MCU: variants seen among roughly 807,000 people sequenced by gnomAD.
The protein encoded by MCU is calcium uniporter protein, mitochondrial.
In MCU, 12 loss-of-function variants were observed where a neutral mutation model predicts 45.2. That is an observed-to-expected ratio of 0.27 (90% CI 0.17 to 0.43). The LOEUF (loss-of-function observed/expected upper bound fraction) is 0.43. Ranked by LOEUF, MCU falls within the 20% of genes least tolerant of loss-of-function variation. MCU has a pLI of 1.00. For missense variants in MCU, 324 were observed against 436.7 expected (o/e 0.74, Z 2.30); for synonymous variants, 160 against 165.1 (o/e 0.97, Z 0.24).
chr10:72,887,654 A>G lies in MCU; in HGVS notation c.*1832A>G, dbSNP rs565716267. 6 of 152,880 alleles carry G rather than the reference A, an allele frequency of 3.9e-5. No individual in the cohort carries two copies. The highest frequency in any genetic ancestry group is 4.2e-4 in the South Asian group (2 of 4,816). The allele number at this position is 152,880 out of a possible 1,614,324, so 9.5% of individuals were successfully genotyped here. On this transcript the variant is annotated 3_prime_UTR_variant, in exon 8 of 8. Coordinates refer to ENST00000373053, the MANE Select transcript of MCU (RefSeq NM_138357.3). ...ATTTATGAAATATGTATAAAAAGCA[A>G]TGTACCTTCTGGAACAATAAATACT...
intron 1 of MCU, among the ~76,000 whole-genome samples, chr10:72,761,228 C>A (rs910411038): frequency 2.0e-5 from 3 of 152,130 alleles, no homozygotes; most frequent in Non-Finnish European, 1.5e-5. Flanking sequence ...TAAATGCTAA[C>A]CATTAGTAAT....
At chr10:72,873,643 G>A (rs1845580258) in intron 6 of MCU, among the ~76,000 whole-genome samples, 1 of 152,074 alleles carries the variant, frequency 6.6e-6, no homozygotes, top group Non-Finnish European at 1.5e-5. Flanking sequence ...GACTTGTGTT[G>A]CCTGTGCTTT....
Position 72,876,148 on chromosome 10 carries a change from C to T in MCU, c.861+4568C>T, listed in dbSNP as rs748796386. ...AATAACCGTCATTTATATTGTACTC[C>T]GGCAAACCACTTCAATGGCTGTTCA... On this transcript the variant is annotated intron_variant, in intron 6 of 7. Transcript: ENST00000373053. Among the ~76,000 whole-genome samples the T allele has an allele frequency of 7.9e-5, 12 of 152,122 alleles. No homozygotes were observed. In the South Asian group the frequency reaches 8.3e-4, roughly 10 times the overall value.
At chr10:72,796,711 A>G (rs1313977588) in intron 1 of MCU, among the ~76,000 whole-genome samples, 1 of 105,050 alleles carries the variant, frequency 9.5e-6, no homozygotes, top group African/African-American at 3.3e-5. Flanking sequence ...TTTTTTTTGT[A>G]GAGATGGGGT....
At chr10:72,859,393 C>A in intron 3 of MCU, 46 bp downstream of exon 3, 1 of 1,530,940 alleles carries the variant, frequency 6.5e-7, no homozygotes, top group Non-Finnish European at 8.9e-7. Flanking sequence ...CTCATTTCAC[C>A]CCACACCATT....
chr10:72,757,088 G>A (rs1272305309), intron 1 of MCU: 1 of 151,350 alleles, frequency 6.6e-6, no homozygotes, highest in East Asian at 1.9e-4. Flanking sequence ...ATTTCAAAAA[G>A]CAGTAAATGG....
At chr10:72,868,419 G>C (rs967674366) in intron 4 of MCU, among the ~76,000 whole-genome samples, 1 of 152,032 alleles carries the variant, frequency 6.6e-6, no homozygotes, top group Non-Finnish European at 1.5e-5. Context: ...CTTGTGGCCG[G>C]TGCACACCTG....
At position 72,811,065 on chromosome 10, in the gene MCU, C is replaced by G. The variant is rs114293710; in HGVS notation, c.151-23294C>G. 3.0e-3 allele frequency among the ~76,000 whole-genome samples: 453 copies of G among 152,336 alleles called. 4 individuals are homozygous for G. The highest frequency in any genetic ancestry group is 0.01 in the African/African-American group (425 of 41,578). On this transcript the variant is annotated intron_variant, in intron 1 of 7. Coordinates refer to ENST00000373053, the MANE Select transcript of MCU (RefSeq NM_138357.3). ...GCTCAGCACATGCTTTTAGAAATAG[C>G]TATTCAGTGTATACTTTATTAGTTT...
intron 1 of MCU, among the ~76,000 whole-genome samples, chr10:72,780,133 C>G (rs1353424676): frequency 1.3e-5 from 2 of 152,124 alleles, no homozygotes; most frequent in African/African-American, 2.4e-5. Context: ...TACTATAACC[C>G]AGATGAACCT....
chr10:72,827,042 A>G (rs1449299107), intron 1 of MCU, among the ~76,000 whole-genome samples: 2 of 152,204 alleles, frequency 1.3e-5, no homozygotes, highest in Non-Finnish European at 2.9e-5. Flanking sequence ...ATATGAAAAA[A>G]CATAGTTTGG....
At chr10:72,737,519 T>C (rs910046073) in intron 1 of MCU, among the ~76,000 whole-genome samples, 1 of 151,096 alleles carries the variant, frequency 6.6e-6, no homozygotes, top group Non-Finnish European at 1.5e-5. Context: ...CCTTTTTCTT[T>C]CCTTTTTTTT....
chr10:72,806,105 A>G (rs1044747185), intron 1 of MCU, among the ~76,000 whole-genome samples: 1 of 144,274 alleles, frequency 6.9e-6, no homozygotes, highest in African/African-American at 2.5e-5. Context: ...GAGAAGGCTG[A>G]TGTGAGATGA....
intron 1 of MCU, among the ~76,000 whole-genome samples, chr10:72,732,722 A>T (rs1262068812): frequency 1.3e-5 from 2 of 152,220 alleles, no homozygotes; most frequent in Admixed American, 1.3e-4. Flanking sequence ...GATTTTGTAC[A>T]TAACATTTTG....
intron 1 of MCU, among the ~76,000 whole-genome samples, chr10:72,739,543 A>G (rs764238530): frequency 3.3e-5 from 5 of 152,160 alleles, no homozygotes; most frequent in Non-Finnish European, 7.4e-5. Flanking sequence ...TTTATGAAAC[A>G]GAGAAACATT....
chr10:72,740,834 G>T (rs948908168), intron 1 of MCU, among the ~76,000 whole-genome samples: 2 of 152,194 alleles, frequency 1.3e-5, no homozygotes, highest in African/African-American at 4.8e-5. Flanking sequence ...TGACAGAGGG[G>T]AGATGAGAGC....
intron 2 of MCU, among the ~76,000 whole-genome samples, chr10:72,841,074 A>G (rs182561940): frequency 6.6e-6 from 1 of 152,254 alleles, no homozygotes; most frequent in East Asian, 1.9e-4. Context: ...ATTTTGAGGG[A>G]ATTGGAAACT....
chr10:72,846,108 TA>T (rs2132850620), intron 2 of MCU, among the ~76,000 whole-genome samples: 1 of 152,154 alleles, frequency 6.6e-6, no homozygotes, highest in South Asian at 2.1e-4. Flanking sequence ...AGTGGTGCAA[TA>T]TCAGCTCACT....
intron 3 of MCU, among the ~76,000 whole-genome samples, chr10:72,859,637 A>G (rs1369879421): frequency 6.6e-6 from 1 of 152,206 alleles, no homozygotes; most frequent in African/African-American, 2.4e-5. Flanking sequence ...CACATTTTAT[A>G]TTATTGAGAC....
At chr10:72,713,529 C>T (rs3009549) in intron 1 of MCU, among the ~76,000 whole-genome samples, 76,105 of 152,090 alleles carry the variant, frequency 0.5, 21,705 homozygotes, top group Non-Finnish European at 0.67. Context: ...ATCTGCCCGC[C>T]TCGCTAGTGC....
Sources: allele counts gnomAD v4.1 joint callset (sites outside exome capture counted in the v4.1 genomes callset), GRCh38; gene constraint gnomAD v4.1.1; transcripts MANE v1.5; gene names NCBI Gene and HGNC (gene_info 2026-07-23, HGNC 2026-07-21).